CAB39L: variants seen among roughly 807,000 people sequenced by gnomAD.
CAB39L encodes the protein calcium binding protein 39 like, also known as calcium-binding protein 39-like.
Under a neutral mutation model 39.1 loss-of-function variants are expected in CAB39L, and 23 were observed. That is an observed-to-expected ratio of 0.59 (90% confidence interval 0.42 to 0.83). The LOEUF is 0.83. CAB39L is among the 40% of genes least tolerant of loss of function. CAB39L has a pLI of 0.00. For synonymous variants in CAB39L, 126 were observed against 137.2 expected (o/e 0.92, Z 0.57); for missense variants, 366 against 391.9 (o/e 0.93, Z 0.56).
chr13:49,436,171 C>T (rs2138744749), intron 1 of CAB39L, among the ~76,000 whole-genome samples: 1 of 152,276 alleles, frequency 6.6e-6, no homozygotes, highest in South Asian at 2.1e-4. Flanking sequence ...CCTCTCCTTT[C>T]TGTCTGGAAG....
intron 10 of CAB39L, among the ~76,000 whole-genome samples, chr13:49,323,426 C>G (rs1232871180): frequency 6.6e-6 from 1 of 152,238 alleles, no homozygotes; most frequent in Non-Finnish European, 1.5e-5. Context: ...GTTTCATCTA[C>G]AATGGACAAA....
At chr13:49,321,824 GAC>G (rs1954351496) in intron 10 of CAB39L, among the ~76,000 whole-genome samples, 1 of 152,146 alleles carries the variant, frequency 6.6e-6, no homozygotes, top group South Asian at 2.1e-4. Flanking sequence ...GTTGCCTTTA[GAC>G]AGCTAAATGC....
At chr13:49,435,144 G>A (rs1566140772) in intron 1 of CAB39L, among the ~76,000 whole-genome samples, 1 of 152,088 alleles carries the variant, frequency 6.6e-6, no homozygotes, top group Admixed American at 6.6e-5. Context: ...TTGGTATATA[G>A]AGACTTTCTC....
intron 3 of CAB39L, among the ~76,000 whole-genome samples, chr13:49,390,913 G>GA (rs1279192440): frequency 2.0e-5 from 2 of 102,486 alleles, no homozygotes; most frequent in Non-Finnish European, 4.0e-5. Flanking sequence ...TAAAGGAAAA[G>GA]AAAAAAACAG....
intron 1 of CAB39L, among the ~76,000 whole-genome samples, chr13:49,439,736 C>T (rs1391970475): frequency 6.6e-6 from 1 of 152,148 alleles, no homozygotes; most frequent in African/African-American, 2.4e-5. Context: ...TGCAGCCTTG[C>T]CCACATCTGT....
chr13:49,435,381 C>T (rs1261029323), intron 1 of CAB39L, among the ~76,000 whole-genome samples: 1 of 152,218 alleles, frequency 6.6e-6, no homozygotes, highest in Non-Finnish European at 1.5e-5. Flanking sequence ...TCCTTACCAG[C>T]AATGTATCAA....
chr13:49,380,480 T>G (rs1594026447), intron 4 of CAB39L, among the ~76,000 whole-genome samples: 1 of 152,128 alleles, frequency 6.6e-6, no homozygotes, highest in East Asian at 1.9e-4. Flanking sequence ...GTACATAGAT[T>G]AGTAGGTATT....
chr13:49,324,687 ACAC>A (rs1954447552), intron 10 of CAB39L, among the ~76,000 whole-genome samples: 1 of 152,220 alleles, frequency 6.6e-6, no homozygotes, highest in Non-Finnish European at 1.5e-5. Flanking sequence ...AATGAAACGG[ACAC>A]CACATCTGCC....
chr13:49,332,665 A>C (rs1954743191), intron 9 of CAB39L, among the ~76,000 whole-genome samples: 1 of 152,112 alleles, frequency 6.6e-6, no homozygotes, highest in Admixed American at 6.5e-5. Flanking sequence ...ACAAATTGAT[A>C]GTTCCCCAAA....
chr13:49,394,008 T>C (rs1376250665), intron 3 of CAB39L, among the ~76,000 whole-genome samples: 1 of 151,978 alleles, frequency 6.6e-6, no homozygotes, highest in Non-Finnish European at 1.5e-5. Flanking sequence ...AAATAGTTTC[T>C]GTAATTTTAT....
At chr13:49,392,480 T>C (rs1956510982) in intron 3 of CAB39L, among the ~76,000 whole-genome samples, 1 of 150,948 alleles carries the variant, frequency 6.6e-6, no homozygotes, top group Admixed American at 6.6e-5. Context: ...CTACTAAAAA[T>C]ACAAAAAAAA....
chr13:49,344,315 G>A (rs1263427336), intron 7 of CAB39L, 77 bp from the exon 8 acceptor site: 16 of 829,736 alleles, frequency 1.9e-5, no homozygotes, highest in Non-Finnish European at 3.0e-5. Context: ...TAAGGTTTAA[G>A]AACATATAAA....
At position 49,426,716 on chromosome 13, in the gene CAB39L, C is replaced by T. The variant is rs752612427; in HGVS notation, c.-32+6602G>A. Among the ~76,000 whole-genome samples the T allele has an allele frequency of 2.6e-5, 4 of 152,178 alleles. No homozygotes were observed. In the East Asian group the frequency reaches 5.8e-4, roughly 22 times the overall value. On this transcript the variant is annotated intron_variant, in intron 3 of 10. Coordinates refer to ENST00000409308, the MANE Select transcript of CAB39L (RefSeq NM_001079670.3). ...GTGGGATTACAGGAGTGAGCCACCG[C>T]GCCCAGCCAATTTATTGCTCTTTAT...
chr13:49,432,960 G>A (rs1957351192), intron 3 of CAB39L, among the ~76,000 whole-genome samples: 2 of 152,112 alleles, frequency 1.3e-5, no homozygotes, highest in African/African-American at 4.8e-5. Context: ...AGAAATCCAT[G>A]GATGCCCCCA....
At chr13:49,337,003 T>G (rs529575616) in intron 9 of CAB39L, among the ~76,000 whole-genome samples, 9 of 152,042 alleles carry the variant, frequency 5.9e-5, no homozygotes, top group Non-Finnish European at 1.3e-4. Flanking sequence ...GGAAACTCAA[T>G]AAAAAGTGCT....
rs1200154684 is a variant in CAB39L, at chr13:49,434,088, T to A, written c.-110A>T. On this transcript the variant is annotated splice_region_variant and 5_prime_UTR_variant, in exon 2 of 11. The change creates a new upstream start codon in the 5' untranslated region. Transcript: ENST00000409308. The stretch of plus-strand genomic sequence containing the variant: ...ATCAGAAATAAGAGAAAACTTACGC[T>A]TCTCTCCTTTAGTGCATTGCTCTTG... 1 of 448,864 alleles carries A rather than the reference T, an allele frequency of 2.2e-6. No individual in the cohort carries two copies. Among genetic ancestry groups the A allele is most frequent in the East Asian group, 7.0e-5 (1 of 14,268 alleles). 27.8% of individuals were successfully genotyped at this position (448,864 alleles called of 1,614,324 possible). A position where few individuals can be genotyped will look rare whatever the true frequency, so the allele number is the denominator to read the frequency against.
At chr13:49,363,257 A>C (rs1380033963) in intron 5 of CAB39L, among the ~76,000 whole-genome samples, 1 of 152,244 alleles carries the variant, frequency 6.6e-6, no homozygotes, top group African/African-American at 2.4e-5. Flanking sequence ...GAAAGACTAA[A>C]TGATGAACCA....
chr13:49,368,660 A>ATTAT (rs1283864052), intron 5 of CAB39L, among the ~76,000 whole-genome samples: 4 of 152,256 alleles, frequency 2.6e-5, no homozygotes, highest in African/African-American at 4.8e-5. Flanking sequence ...GTAACCAATA[A>ATTAT]GATCCCAAAC....
chr13:49,314,586 C>G (rs915683471), intron 10 of CAB39L, among the ~76,000 whole-genome samples: 45 of 152,120 alleles, frequency 3.0e-4, no homozygotes, highest in African/African-American at 1.1e-3. Context: ...TCACAACAGC[C>G]CTGAAGTATA....
Sources: allele counts gnomAD v4.1 joint callset (sites outside exome capture counted in the v4.1 genomes callset), GRCh38; gene constraint gnomAD v4.1.1; transcripts MANE v1.5; gene names NCBI Gene and HGNC (gene_info 2026-07-23, HGNC 2026-07-21).